DOCK3: variants seen among roughly 807,000 people sequenced by gnomAD.
DOCK3 encodes dedicator of cytokinesis protein 3.
Under a neutral mutation model 265.6 loss-of-function variants are expected in DOCK3, and 60 were observed. That is an observed-to-expected ratio of 0.23 (90% CI 0.18 to 0.28). DOCK3 has a LOEUF of 0.28. DOCK3 is among the 10% of genes least tolerant of loss of function. The pLI, the probability that DOCK3 is intolerant of heterozygous loss-of-function variation, is 1.00. For missense variants in DOCK3, 1,981 were observed against 2,594.3 expected (o/e 0.76, Z 5.14); for synonymous variants, 881 against 938.0 (o/e 0.94, Z 1.11).
At chr3:51,042,446 A>G (rs926239421) in intron 5 of DOCK3, among the ~76,000 whole-genome samples, 11 of 152,126 alleles carry the variant, frequency 7.2e-5, no homozygotes, top group Non-Finnish European at 1.6e-4. Context: ...AAATAATAAG[A>G]CCTATATATG....
rs189645030 is a variant in DOCK3 at position 51,236,213 on chromosome 3, G to T, written c.1918-132G>T. 7.1e-4 allele frequency: 527 copies of T among 737,102 alleles called. 1 individual carries two copies. Among genetic ancestry groups the T allele is most frequent in the Non-Finnish European group, 1.0e-3 (436 of 428,540 alleles). The allele number at this position is 737,102 out of a possible 1,614,324, so 45.7% of individuals were successfully genotyped here. ...TGGAGGGTCAGGGTACTAGTACGAT[G>T]ATTTTTAAGTGGTATTTTGAGATCC... is the stretch of plus-strand genomic sequence containing the variant. On this transcript the variant is annotated intron_variant, in intron 19 of 52. Transcript: ENST00000266037.
chr3:50,807,641 T>A (rs1466825686), intron 2 of DOCK3, among the ~76,000 whole-genome samples: 1 of 152,218 alleles, frequency 6.6e-6, no homozygotes, highest in Non-Finnish European at 1.5e-5. Flanking sequence ...AAGGAAAAGT[T>A]GAAATAATCA....
intron 27 of DOCK3, among the ~76,000 whole-genome samples, chr3:51,295,082 G>A (rs537855834): frequency 6.6e-6 from 1 of 152,038 alleles, no homozygotes; most frequent in Non-Finnish European, 1.5e-5. Flanking sequence ...TGGTATAAAG[G>A]ACAAAACCAC....
chr3:51,164,152 A>AG (rs767462235), intron 12 of DOCK3, among the ~76,000 whole-genome samples: 46 of 152,288 alleles, frequency 3.0e-4, no homozygotes, highest in Middle Eastern at 6.8e-3. Flanking sequence ...TTAACACGTC[A>AG]ATTTGGTGAT....
At chr3:51,328,451 C>CA (rs1442398604) in intron 32 of DOCK3, among the ~76,000 whole-genome samples, 1 of 152,142 alleles carries the variant, frequency 6.6e-6, no homozygotes, top group African/African-American at 2.4e-5. Flanking sequence ...GACATAACCC[C>CA]AGGCAAGTTC....
intron 48 of DOCK3, among the ~76,000 whole-genome samples, 186 bp from the exon 49 acceptor site, chr3:51,362,341 C>T (rs1247879793): frequency 6.6e-6 from 1 of 152,178 alleles, no homozygotes; most frequent in Non-Finnish European, 1.5e-5. Flanking sequence ...CCAACAACTT[C>T]GCTCCATATG....
chr3:50,828,919 G>A (rs954446291), intron 2 of DOCK3, among the ~76,000 whole-genome samples: 2 of 151,728 alleles, frequency 1.3e-5, no homozygotes, highest in Non-Finnish European at 2.9e-5. Flanking sequence ...TCACCATGTT[G>A]GTCAGACTGG....
At chr3:50,898,041 G>A (rs2048980165) in intron 4 of DOCK3, among the ~76,000 whole-genome samples, 1 of 116,640 alleles carries the variant, frequency 8.6e-6, no homozygotes, top group Non-Finnish European at 1.7e-5. Context: ...GGAATAGTTT[G>A]TAGAAGGAAT....
chr3:51,068,560 A>AAG (rs1553750777), intron 6 of DOCK3, among the ~76,000 whole-genome samples: 8 of 82,418 alleles, frequency 9.7e-5, no homozygotes, highest in South Asian at 6.1e-4. Flanking sequence ...AAAAAAAAAA[A>AAG]AAGAAGAAGA....
rs548070723 is a variant in DOCK3, at chr3:51,030,350, G to C, written c.316-34098G>C. ...TTTTTAATTGAATCCCAGATATCAC[G>C]TATGAAAAATTATAGAGGCTTTGCA... On this transcript the variant is annotated intron_variant, in intron 5 of 52. Transcript: ENST00000266037. Among the ~76,000 whole-genome samples the C allele has an allele frequency of 7.9e-5, 12 of 152,194 alleles. No homozygotes were observed. The South Asian group carries it at 2.5e-3, about 32-fold the overall frequency.
chr3:51,044,890 C>A (rs2080703954), intron 5 of DOCK3, among the ~76,000 whole-genome samples: 1 of 152,152 alleles, frequency 6.6e-6, no homozygotes, highest in Non-Finnish European at 1.5e-5. Context: ...GAATTAGTGC[C>A]TTGTGCTAGA....
chr3:51,329,722 C>G (rs1424637996), intron 32 of DOCK3, among the ~76,000 whole-genome samples: 1 of 152,186 alleles, frequency 6.6e-6, no homozygotes, highest in Non-Finnish European at 1.5e-5. Flanking sequence ...AGAAAGCATC[C>G]TTTTTGACTG....
intron 49 of DOCK3, among the ~76,000 whole-genome samples, chr3:51,364,346 T>A (rs1304616143): frequency 1.3e-5 from 2 of 152,268 alleles, no homozygotes; most frequent in Non-Finnish European, 2.9e-5. Flanking sequence ...TTGATTTTTT[T>A]ATTGTAAATT....
At chr3:51,144,126 A>G (rs780097063) in intron 9 of DOCK3, among the ~76,000 whole-genome samples, 2 of 152,174 alleles carry the variant, frequency 1.3e-5, no homozygotes, top group African/African-American at 2.4e-5. Flanking sequence ...TGATACCTTT[A>G]TTTGAAATTA....
At chr3:51,260,084 C>T (rs1371833308) in intron 22 of DOCK3, 72 bp from the exon 23 acceptor site, 2 of 1,480,954 alleles carry the variant, frequency 1.4e-6, no homozygotes, top group African/African-American at 1.4e-5. Context: ...TACTTTGCCC[C>T]TTGTTTCCTG....
At chr3:51,119,234 G>A (rs919363543) in intron 9 of DOCK3, among the ~76,000 whole-genome samples, 1 of 152,118 alleles carries the variant, frequency 6.6e-6, no homozygotes, top group Admixed American at 6.5e-5. Flanking sequence ...AGCTTAGTTT[G>A]GCTGGGTATG....
chr3:50,869,378 TTTTTTTTTTTTTG>T (rs1307462786), intron 3 of DOCK3, among the ~76,000 whole-genome samples: 7 of 69,060 alleles, frequency 1.0e-4, no homozygotes, highest in African/African-American at 3.9e-4. Context: ...TTTTTTTTTT[TTTTTTTTTTTTTG>T]GAGATAGGGT....
intron 12 of DOCK3, among the ~76,000 whole-genome samples, chr3:51,180,181 C>T (rs1409373558): frequency 1.5e-5 from 2 of 137,566 alleles, no homozygotes; most frequent in Admixed American, 7.9e-5. Flanking sequence ...GTGCTCCAGC[C>T]TGGGTGACAG....
chr3:51,046,226 A>G (rs560781598), intron 5 of DOCK3, among the ~76,000 whole-genome samples: 2 of 152,324 alleles, frequency 1.3e-5, no homozygotes, highest in African/African-American at 4.8e-5. Flanking sequence ...TGTTAATAGT[A>G]AGTCCTTAAC....
Sources: allele counts gnomAD v4.1 joint callset (sites outside exome capture counted in the v4.1 genomes callset), GRCh38; gene constraint gnomAD v4.1.1; transcripts MANE v1.5; gene names NCBI Gene and HGNC (gene_info 2026-07-23, HGNC 2026-07-21).